Variants in OTOF observed in about 807,000 individuals in gnomAD.
OTOF encodes the protein fer-1-like family member 2.
OTOF carries 218 observed loss-of-function variants against 236.8 expected under a neutral mutation model. The observed-to-expected ratio is 0.92, with a 90% CI of 0.82 to 1.03. The LOEUF is 1.03. OTOF is among the 50% of genes least tolerant of loss of function. The pLI, the probability that OTOF is intolerant of heterozygous loss-of-function variation, is 0.00. For synonymous variants in OTOF, 1,041 were observed against 1,072.5 expected (o/e 0.97, Z 0.57); for missense variants, 2,590 against 2,694.4 (o/e 0.96, Z 0.86).
intron 1 of OTOF, among the ~76,000 whole-genome samples, chr2:26,540,342 G>A (rs1667182418): frequency 6.6e-6 from 1 of 152,228 alleles, no homozygotes; most frequent in Admixed American, 6.5e-5. Flanking sequence ...CACTGATGAA[G>A]CCCATGGCAT....
chr2:26,516,658 A>G lies in OTOF; in HGVS notation c.328-59T>C, dbSNP rs55682147. ...ATGGTGACAGCAATCTCCACCCCGTATATGTGGCTGCTTGGTGGTGTTTAC... is the reference window on the plus strand; with the variant it reads ...ATGGTGACAGCAATCTCCACCCCGTGTATGTGGCTGCTTGGTGGTGTTTAC... On this transcript the variant is annotated intron_variant, in intron 4 of 46. Coordinates refer to ENST00000272371, the MANE Select transcript of OTOF (RefSeq NM_194248.3). 0.087 allele frequency: 135,463 copies of G among 1,558,318 alleles called. 7,288 individuals are homozygous for G. The highest frequency in any genetic ancestry group is 0.31 in the East Asian group (14,022 of 44,646).
chr2:26,523,564 G>A (rs115616927), intron 3 of OTOF, among the ~76,000 whole-genome samples: 4,262 of 152,264 alleles, frequency 0.028, 129 homozygotes, highest in Non-Finnish European at 0.033. Flanking sequence ...GTGATGCTGA[G>A]TGTCACCCTT....
Position 26,473,037 on chromosome 2 carries a change from C to T in OTOF, c.3733+95G>A. Reference sequence around the variant, plus strand: ...TGCCCACCCCCTCGGCCCCAAAGAGCAAACTCTGGTCGCGGCTTGGACTGG... The same window carrying T: ...TGCCCACCCCCTCGGCCCCAAAGAGTAAACTCTGGTCGCGGCTTGGACTGG... On this transcript the variant is annotated intron_variant, in intron 29 of 46. Transcript: ENST00000272371. This position sits in a 1 kb window ranked among gnomAD's most constrained non-coding sequence, Gnocchi z 7.2. 2 of 1,376,598 alleles carry T rather than the reference C, an allele frequency of 1.5e-6. No individual in the cohort carries two copies. The highest frequency in any genetic ancestry group is 2.0e-6 in the Non-Finnish European group (2 of 997,784). The allele number at this position is 1,376,598 out of a possible 1,614,324, so 85.3% of individuals were successfully genotyped here.
Position 26,473,533 on chromosome 2 carries a change from AC to A in OTOF, c.3442del (p.Val1148Ter). The A allele has an allele frequency of 6.2e-7, 1 of 1,611,436 alleles. No individual in the cohort carries two copies. Among genetic ancestry groups the A allele is most frequent in the Non-Finnish European group, 8.5e-7 (1 of 1,179,686 alleles). On this transcript the variant is annotated frameshift_variant, in exon 28 of 47. Coordinates refer to ENST00000272371, the MANE Select transcript of OTOF (RefSeq NM_194248.3). LOFTEE classifies it high-confidence loss of function. This position sits in a 1 kb window ranked among gnomAD's most constrained non-coding sequence, Gnocchi z 7.2. ...TGGCCGGTCCACCTGGGCCAGGTTCACCCGCTTTAGGTCCCGTAGGCCCCAG... is the reference window on the plus strand; with the variant it reads ...TGGCCGGTCCACCTGGGCCAGGTTCACCGCTTTAGGTCCCGTAGGCCCCAG... The part of the protein sequence containing the change: ...LFWGLRDLKR[V>X]NLAQVDRPRV...
intron 9 of OTOF, among the ~76,000 whole-genome samples, chr2:26,491,715 G>C (rs964919199): frequency 2.0e-5 from 3 of 152,220 alleles, no homozygotes; most frequent in Admixed American, 2.0e-4. Flanking sequence ...CCTTAGTCTG[G>C]TTTGTGAATG....
At chr2:26,501,869 C>T (rs1666123605) in intron 7 of OTOF, 61 bp from the exon 8 acceptor site, 2 of 1,232,978 alleles carry the variant, frequency 1.6e-6, no homozygotes, top group Admixed American at 3.4e-5. Flanking sequence ...GGGAGGAGGA[C>T]ACTGGCAGTG....
intron 4 of OTOF, among the ~76,000 whole-genome samples, chr2:26,517,921 C>T (rs1038224664): frequency 1.5e-4 from 23 of 152,314 alleles, no homozygotes; most frequent in Middle Eastern, 3.4e-3. Context: ...CACTCTTCAT[C>T]CAGGTTTCTG....
Position 26,460,409 on chromosome 2 carries a change from G to C in OTOF, c.5814-204C>G, listed in dbSNP as rs1558464530. On this transcript the variant is annotated intron_variant, in intron 45 of 46. Coordinates refer to ENST00000272371, the MANE Select transcript of OTOF (RefSeq NM_194248.3). The surrounding 1 kb of genome is among the most constrained non-coding windows in gnomAD (Gnocchi z 5.3). ...CAAAAGCTAGGAAGGGAAGAGCATA[G>C]TTTCTCTCCGCTAGATGGGGCCTTT... Among the ~76,000 whole-genome samples the C allele has an allele frequency of 6.6e-6, 1 of 152,228 alleles. No individual in the cohort carries two copies. The highest frequency in any genetic ancestry group is 2.4e-5 in the African/African-American group (1 of 41,464).
chr2:26,466,302 C>T, intron 36 of OTOF: 1 of 601,436 alleles, frequency 1.7e-6, no homozygotes. Context: ...TCCCTGGTGC[C>T]TCCCAGTCTG....
chr2:26,506,096 G>C (rs776135271), intron 5 of OTOF, among the ~76,000 whole-genome samples: 2 of 152,198 alleles, frequency 1.3e-5, no homozygotes, highest in African/African-American at 2.4e-5. Context: ...CTGGCCCCAA[G>C]GACAGGGGTG....
Position 26,480,261 on chromosome 2 carries a change from C to T in OTOF, c.1854G>A (p.Glu618=). 2 of 1,613,152 alleles carry T rather than the reference C, an allele frequency of 1.2e-6. No individual in the cohort carries two copies. Among genetic ancestry groups the T allele is most frequent in the Non-Finnish European group, 1.7e-6 (2 of 1,179,716 alleles). ...CGTTTCTCCGGTCGATCATTGAGGC[C>T]TCCAGGAAGGCTCCAAAGAGAAAGA... ...EEFFLFGAFL[E]ASMIDRRNGD... The change falls in exon 16 of 47, where the codon GAG becomes GAA. Residue 618 remains glutamate (E), a synonymous_variant. Coordinates refer to ENST00000272371, the MANE Select transcript of OTOF (RefSeq NM_194248.3).
Position 26,466,018 on chromosome 2 carries a change from C to T in OTOF, c.4559G>A (p.Arg1520Gln), listed in dbSNP as rs80356601. Residue 1520 changes from arginine (R) to glutamine (Q), a missense_variant, in exon 37 of 47, where the codon CGG becomes CAG. By Grantham distance (43) the Arg-to-Gln change is conservative. Coordinates refer to ENST00000272371, the MANE Select transcript of OTOF (RefSeq NM_194248.3). ...GTCGCGGATGTCAGTCTTGCCTAGC[C>T]GGATGGCGATGTAGGGGTCAGCTTT... ...NGKADPYIAI[R>Q]LGKTDIRDKE... 59 of 1,614,098 alleles carry T rather than the reference C, an allele frequency of 3.7e-5. No individual in the cohort carries two copies. Among genetic ancestry groups the T allele is most frequent in the Admixed American group, 1.5e-4 (9 of 60,008 alleles).
intron 1 of OTOF, among the ~76,000 whole-genome samples, chr2:26,541,221 A>G (rs1041573028): frequency 1.3e-5 from 2 of 152,176 alleles, no homozygotes; most frequent in African/African-American, 4.8e-5. Context: ...ATCTGCAGGA[A>G]ACACCGAGGA....
rs773660172 is a variant in OTOF, at chr2:26,476,897, G to A, written c.2670C>T (p.Phe890=). 4 of 1,609,818 alleles carry A rather than the reference G, an allele frequency of 2.5e-6. No individual in the cohort carries two copies. The South Asian group carries it at 3.3e-5, about 13-fold the overall frequency. Reference sequence around the variant, plus strand: ...ATCCTGCCCCCTCCAGCACCTTAAGGAAGAGCGTCTTGACCTTGGCGCAGT... The same window carrying A: ...ATCCTGCCCCCTCCAGCACCTTAAGAAAGAGCGTCTTGACCTTGGCGCAGT... The part of the protein sequence containing the change: ...GKDCAKVKTL[F]LKLPGKRGFG... Residue 890 remains phenylalanine (F), a synonymous_variant, in exon 22 of 47, where the codon TTC becomes TTT. Transcript: ENST00000272371.
intron 8 of OTOF, among the ~76,000 whole-genome samples, chr2:26,495,691 G>A (rs193270047): frequency 4.6e-5 from 7 of 152,136 alleles, no homozygotes; most frequent in Admixed American, 3.9e-4. Context: ...CTCCCAAAGT[G>A]CTGGAATTAC....
chr2:26,468,957 C>T (rs1042748476), intron 32 of OTOF, among the ~76,000 whole-genome samples: 3 of 151,728 alleles, frequency 2.0e-5, no homozygotes, highest in Non-Finnish European at 2.9e-5. Context: ...CTGTAAATGA[C>T]GAGTTAATGG....
chr2:26,556,062 C>G (rs1667577994), intron 1 of OTOF, among the ~76,000 whole-genome samples: 1 of 152,174 alleles, frequency 6.6e-6, no homozygotes. Flanking sequence ...TGGCACAGCA[C>G]AGAAGGTCAA....
intron 11 of OTOF, among the ~76,000 whole-genome samples, chr2:26,485,486 C>A (rs1665678424): frequency 6.6e-6 from 1 of 152,196 alleles, no homozygotes; most frequent in South Asian, 2.1e-4. Context: ...TCCCAGTGTC[C>A]CATGACCTAT....
At chr2:26,493,044 A>C (rs980300335) in intron 9 of OTOF, among the ~76,000 whole-genome samples, 1 of 152,186 alleles carries the variant, frequency 6.6e-6, no homozygotes, top group Non-Finnish European at 1.5e-5. Context: ...ACCTGTCTCC[A>C]TGCCTGTCTT....
Sources: gnomAD v4.1 joint callset for allele counts (sites outside exome capture counted in the v4.1 genomes callset) on GRCh38, gnomAD v4.1.1 for gene constraint, Gnocchi (gnomAD v3.1) non-coding constraint, MANE v1.5 for transcripts, NCBI Gene and HGNC (gene_info 2026-07-23, HGNC 2026-07-21) for gene names.